The following GALNT14 variants were observed in gnomAD, a reference collection of about 807,000 sequenced individuals.
The protein encoded by GALNT14 is polypeptide N-acetylgalactosaminyltransferase 14.
GALNT14 carries 60 observed loss-of-function variants against 77.5 expected under a neutral mutation model. The ratio of observed to expected loss-of-function variants is 0.77; its 90% CI spans 0.63 to 0.96. GALNT14 has a LOEUF of 0.96. GALNT14 is among the 40% of genes least tolerant of loss of function. GALNT14 has a pLI of 0.00. For missense variants in GALNT14, 710 were observed against 731.0 expected (o/e 0.97, Z 0.33); for synonymous variants, 280 against 281.7 (o/e 0.99, Z 0.06).
rs193128837 is a variant in GALNT14, at chr2:31,034,101, C to A, written c.130-41094G>T. Among the ~76,000 whole-genome samples the A allele has an allele frequency of 2.0e-4, 30 of 152,294 alleles. 2 individuals are homozygous for A. The East Asian group carries it at 4.1e-3, about 21-fold the overall frequency. ...GAACAAATGGCAGAAAATTATGGAG[C>A]CAGGACTTAACTCAGTTTCTCTCCT... is the stretch of plus-strand genomic sequence containing the variant. On this transcript the variant is annotated intron_variant, in intron 1 of 14. Transcript: ENST00000349752.
chr2:30,921,968 T>A (rs552987820), intron 13 of GALNT14, among the ~76,000 whole-genome samples: 55 of 152,220 alleles, frequency 3.6e-4, no homozygotes, highest in African/African-American at 1.3e-3. Context: ...GGAATGCTGA[T>A]CTAGCATGAA....
In GALNT14 at chr2:31,138,223, C is replaced by T. The variant is rs2148658104; in HGVS notation, c.-137G>A. On this transcript the variant is annotated 5_prime_UTR_variant, in exon 1 of 15. Transcript: ENST00000349752. ...ACCCAGGATCCGGTTGGAGGGGCGG[C>T]AGGATCCTGCAAGGCGCCCTTCCCG... 3 of 1,086,178 alleles carry T rather than the reference C, an allele frequency of 2.8e-6. No individual in the cohort carries two copies. The highest frequency in any genetic ancestry group is 3.9e-6 in the Non-Finnish European group (3 of 760,796). 67.3% of individuals were successfully genotyped at this position (1,086,178 alleles called of 1,614,324 possible).
chr2:31,125,558 T>G (rs1047519634), intron 1 of GALNT14, among the ~76,000 whole-genome samples: 1 of 152,176 alleles, frequency 6.6e-6, no homozygotes, highest in Admixed American at 6.5e-5. Context: ...TCAGTATGAC[T>G]GGGGAAAATG....
chr2:31,131,944 G>A (rs1403614183), intron 1 of GALNT14, among the ~76,000 whole-genome samples: 9 of 152,110 alleles, frequency 5.9e-5, no homozygotes, highest in Non-Finnish European at 8.8e-5. Flanking sequence ...GATTTGAGTA[G>A]GTATCATTCT....
intron 2 of GALNT14, among the ~76,000 whole-genome samples, chr2:30,967,730 C>G (rs1460500776): frequency 6.6e-6 from 1 of 152,154 alleles, no homozygotes; most frequent in Non-Finnish European, 1.5e-5. Context: ...GCTTCCTGAC[C>G]CATCTTTCTG....
In GALNT14 at chr2:30,910,699, GGA is replaced by G. The variant is rs1664303798; in HGVS notation, c.*200_*201del. 1 of 544,458 alleles carries G rather than the reference GGA, an allele frequency of 1.8e-6. No homozygotes were observed. The highest frequency in any genetic ancestry group is 3.2e-5 in the East Asian group (1 of 31,408). 33.7% of individuals were successfully genotyped at this position (544,458 alleles called of 1,614,324 possible). ...AACTTAACGGCCTTGAGAACATGTG[GGA>G]TTTGTCTTTGAGCCCCATTGGCTTG... On this transcript the variant is annotated 3_prime_UTR_variant, in exon 15 of 15. Transcript: ENST00000349752.
At chr2:30,905,468 AAAATG>A (rs958842783), downstream of GALNT14, among the ~76,000 whole-genome samples, 23 of 152,154 alleles carry the variant, frequency 1.5e-4, no homozygotes, top group African/African-American at 5.3e-4. Flanking sequence ...TCAGCGATGG[AAAATG>A]AAATGAATGA....
intron 13 of GALNT14, among the ~76,000 whole-genome samples, chr2:30,913,890 T>A (rs1460292662): frequency 6.6e-6 from 1 of 152,198 alleles, no homozygotes; most frequent in Non-Finnish European, 1.5e-5. Context: ...TCTATAGATA[T>A]TTGAAATTTT....
At chr2:30,993,481 G>A (rs1396690017) in intron 1 of GALNT14, among the ~76,000 whole-genome samples, 1 of 152,210 alleles carries the variant, frequency 6.6e-6, no homozygotes, top group Non-Finnish European at 1.5e-5. Flanking sequence ...CTGGCACAGA[G>A]TTTCATGAAT....
chr2:30,902,978 C>G, the GALNT14 span, among the ~76,000 whole-genome samples: 3 of 152,302 alleles, frequency 2.0e-5, 1 homozygote, highest in African/African-American at 7.2e-5. Flanking sequence ...GCTTAGGAGC[C>G]ATCAGAATGT....
chr2:31,004,717 A>C (rs1224369341), intron 1 of GALNT14, among the ~76,000 whole-genome samples: 2 of 152,194 alleles, frequency 1.3e-5, no homozygotes, highest in African/African-American at 4.8e-5. Flanking sequence ...TAGGAGGAAA[A>C]TAACCCTAAA....
intron 1 of GALNT14, among the ~76,000 whole-genome samples, chr2:31,053,744 T>C (rs1438882385): frequency 6.6e-6 from 1 of 152,194 alleles, no homozygotes; most frequent in Non-Finnish European, 1.5e-5. Context: ...AGCTTCTGAT[T>C]AGACAGGTTT....
At chr2:31,065,707 G>A (rs1329338217) in intron 1 of GALNT14, among the ~76,000 whole-genome samples, 1 of 152,172 alleles carries the variant, frequency 6.6e-6, no homozygotes, top group African/African-American at 2.4e-5. Flanking sequence ...AAGCACTATG[G>A]AAGGCATCAC....
intron 1 of GALNT14, among the ~76,000 whole-genome samples, chr2:31,084,288 G>A (rs898955975): frequency 6.6e-6 from 1 of 152,178 alleles, no homozygotes; most frequent in Non-Finnish European, 1.5e-5. Flanking sequence ...TACTACATAC[G>A]TGGTTTAGCG....
At chr2:31,097,714 G>T (rs901737963) in intron 1 of GALNT14, among the ~76,000 whole-genome samples, 2 of 152,064 alleles carry the variant, frequency 1.3e-5, no homozygotes, top group African/African-American at 4.8e-5. Context: ...CAGGCTTCCT[G>T]TATTGGATTC....
At chr2:30,914,047 G>A (rs530984377) in intron 13 of GALNT14, among the ~76,000 whole-genome samples, 1 of 152,358 alleles carries the variant, frequency 6.6e-6, no homozygotes, top group East Asian at 1.9e-4. Flanking sequence ...CAGAGGTGGT[G>A]CAATGACCAG....
intron 9 of GALNT14, among the ~76,000 whole-genome samples, chr2:30,933,746 C>A (rs1665886879): frequency 6.6e-6 from 1 of 152,234 alleles, no homozygotes; most frequent in Non-Finnish European, 1.5e-5. Context: ...TCACAGTCAG[C>A]AGGCCCAAGT....
At chr2:31,102,352 CATTA>C (rs1386085722) in intron 1 of GALNT14, among the ~76,000 whole-genome samples, 3 of 152,020 alleles carry the variant, frequency 2.0e-5, no homozygotes, top group East Asian at 1.9e-4. Context: ...TGAGTGATTT[CATTA>C]ATTGTTTTCC....
At chr2:31,122,645 C>A (rs1678469942) in intron 1 of GALNT14, among the ~76,000 whole-genome samples, 1 of 152,072 alleles carries the variant, frequency 6.6e-6, no homozygotes, top group Non-Finnish European at 1.5e-5. Flanking sequence ...GGCCCATGAG[C>A]CACACTGAGA....
Sources: gnomAD v4.1 joint callset for allele counts (sites outside exome capture counted in the v4.1 genomes callset) on GRCh38, gnomAD v4.1.1 for gene constraint, MANE v1.5 for transcripts, NCBI Gene and HGNC (gene_info 2026-07-23, HGNC 2026-07-21) for gene names.